LIN7A: variants seen among roughly 807,000 people sequenced by gnomAD.
LIN7A encodes lin-7 cell polarity scaffold A, also known as protein lin-7 homolog A.
LIN7A carries 25 observed loss-of-function variants against 29.8 expected under a neutral mutation model. That is an observed-to-expected ratio of 0.84 (90% CI 0.61 to 1.17). The LOEUF is 1.17. LIN7A is among the 50% of genes most tolerant of loss of function. The pLI, the probability that LIN7A is intolerant of heterozygous loss-of-function variation, is 0.00. For missense variants in LIN7A, 239 were observed against 287.0 expected, an observed-to-expected ratio of 0.83 and a Z score of 1.21; for synonymous variants, 118 against 107.5, an observed-to-expected ratio of 1.10 and a Z score of -0.60.
At chr12:80,841,142 G>T (rs1394231832) in intron 4 of LIN7A, among the ~76,000 whole-genome samples, 2 of 151,934 alleles carry the variant, frequency 1.3e-5, no homozygotes, top group South Asian at 2.1e-4. Flanking sequence ...CATATACAAG[G>T]TTGCTCTTCT....
intron 5 of LIN7A, among the ~76,000 whole-genome samples, chr12:80,810,188 C>G (rs990399825): frequency 3.3e-5 from 5 of 152,142 alleles, no homozygotes; most frequent in African/African-American, 7.2e-5. Context: ...CCTCCTCCCC[C>G]AGCCTCCCAG....
intron 4 of LIN7A, among the ~76,000 whole-genome samples, chr12:80,840,993 C>A (rs1250654811): frequency 6.6e-6 from 1 of 152,182 alleles, no homozygotes; most frequent in Non-Finnish European, 1.5e-5. Context: ...AAGATGACTA[C>A]CCCATGACTT....
At chr12:80,812,300 G>A (rs1871327903) in intron 4 of LIN7A, among the ~76,000 whole-genome samples, 1 of 151,740 alleles carries the variant, frequency 6.6e-6, no homozygotes, top group Non-Finnish European at 1.5e-5. Flanking sequence ...AAATTTAAAT[G>A]TAACATAAAA....
chr12:80,898,999 C>G (rs780005977), intron 1 of LIN7A, among the ~76,000 whole-genome samples: 1 of 152,100 alleles, frequency 6.6e-6, no homozygotes, highest in Non-Finnish European at 1.5e-5. Context: ...CCTCATTGCT[C>G]GGGCTAATCC....
chr12:80,906,372 T>C (rs1219521337), intron 1 of LIN7A, among the ~76,000 whole-genome samples: 1 of 152,180 alleles, frequency 6.6e-6, no homozygotes, highest in Non-Finnish European at 1.5e-5. Flanking sequence ...TGTTTCTCAG[T>C]GTAGAGAAGT....
chr12:80,802,181 C>T (rs192248203), intron 5 of LIN7A, among the ~76,000 whole-genome samples: 1 of 152,254 alleles, frequency 6.6e-6, no homozygotes, highest in Non-Finnish European at 1.5e-5. Context: ...GTGTGAGCCA[C>T]CGCACCTGGC....
At chr12:80,894,485 A>G (rs916589058) in intron 1 of LIN7A, among the ~76,000 whole-genome samples, 1 of 152,164 alleles carries the variant, frequency 6.6e-6, no homozygotes, top group Non-Finnish European at 1.5e-5. Context: ...ACTTCTCAGA[A>G]TGGTGCACAA....
intron 4 of LIN7A, among the ~76,000 whole-genome samples, chr12:80,837,626 T>C (rs1394288458): frequency 6.6e-6 from 1 of 152,210 alleles, no homozygotes; most frequent in Non-Finnish European, 1.5e-5. Flanking sequence ...CTTCCAGGGC[T>C]GTGAGATAAT....
intron 5 of LIN7A, among the ~76,000 whole-genome samples, chr12:80,809,527 A>C (rs1318878463): frequency 6.6e-6 from 1 of 152,266 alleles, no homozygotes; most frequent in African/African-American, 2.4e-5. Context: ...TGATGTTGGC[A>C]GATGAAAACC....
At chr12:80,829,961 TA>T (rs1872267005) in intron 4 of LIN7A, among the ~76,000 whole-genome samples, 1 of 152,246 alleles carries the variant, frequency 6.6e-6, no homozygotes. Context: ...CTCTCGTGCT[TA>T]AAATAATTAC....
intron 1 of LIN7A, among the ~76,000 whole-genome samples, chr12:80,916,045 A>T (rs960714621): frequency 5.9e-5 from 9 of 152,190 alleles, no homozygotes; most frequent in African/African-American, 1.9e-4. Flanking sequence ...TTGAGGGGGA[A>T]AAAATCCTGT....
At position 80,803,429 on chromosome 12, in the gene LIN7A, T is replaced by G. The variant is rs543907932; in HGVS notation, c.*1-5703A>C. Among the ~76,000 whole-genome samples, 3 of 152,360 alleles carry G rather than the reference T, an allele frequency of 2.0e-5. No individual in the cohort carries two copies. In the East Asian group the frequency reaches 5.8e-4, roughly 29 times the overall value. Reference sequence around the variant, plus strand: ...TTTTGATACCTTTGTCAAAAATCAATTAACTGTAAATATGTGGATTTATTT... The same window carrying G: ...TTTTGATACCTTTGTCAAAAATCAAGTAACTGTAAATATGTGGATTTATTT... On this transcript the variant is annotated intron_variant, in intron 5 of 5. Coordinates refer to ENST00000552864, the MANE Select transcript of LIN7A (RefSeq NM_004664.4).
chr12:80,889,337 G>GT lies in LIN7A; in HGVS notation c.114dup (p.Leu39ThrfsTer22). 6.2e-7 allele frequency: 1 copy of GT among 1,611,732 alleles called. No homozygotes were observed. The highest frequency in any genetic ancestry group is 8.5e-7 in the Non-Finnish European group (1 of 1,178,438). On this transcript the variant is annotated frameshift_variant, in exon 2 of 6. Coordinates refer to ENST00000552864, the MANE Select transcript of LIN7A (RefSeq NM_004664.4). LOFTEE classifies it high-confidence loss of function. ...ACTGGTACTTCTCCAGATTCCTGTA[G>GT]TTTTTCCAGTAATTCAATTGCTCTT...
chr12:80,799,498 A>C (rs1257899034), intron 5 of LIN7A, among the ~76,000 whole-genome samples: 10 of 152,230 alleles, frequency 6.6e-5, no homozygotes, highest in Admixed American at 6.5e-4. Context: ...CTATGTTAAA[A>C]TAGGGAAATA....
At chr12:80,929,538 A>G (rs980684001) in intron 1 of LIN7A, among the ~76,000 whole-genome samples, 4 of 152,130 alleles carry the variant, frequency 2.6e-5, no homozygotes, top group Non-Finnish European at 5.9e-5. Context: ...GCAATCATCC[A>G]CTTTATGTAT....
At chr12:80,856,957 A>C (rs1261622822) in intron 2 of LIN7A, among the ~76,000 whole-genome samples, 1 of 152,226 alleles carries the variant, frequency 6.6e-6, no homozygotes, top group Non-Finnish European at 1.5e-5. Context: ...TAGCCTCTGC[A>C]CACCTGTTTA....
intron 1 of LIN7A, among the ~76,000 whole-genome samples, chr12:80,903,798 T>C (rs1412190967): frequency 6.6e-6 from 1 of 152,126 alleles, no homozygotes; most frequent in Non-Finnish European, 1.5e-5. Context: ...TAAGTTACAG[T>C]CCTATCAACA....
chr12:80,821,434 C>T (rs1014285105), intron 4 of LIN7A, among the ~76,000 whole-genome samples: 2 of 152,084 alleles, frequency 1.3e-5, no homozygotes, highest in African/African-American at 4.8e-5. Context: ...GTTAACAATG[C>T]TAATGATCAT....
intron 4 of LIN7A, 64 bp from the exon 5 acceptor site, chr12:80,811,747 C>T (rs926126956): frequency 6.5e-7 from 1 of 1,546,568 alleles, no homozygotes; most frequent in African/African-American, 1.4e-5. Context: ...GGAGACAAAT[C>T]TGAAATTAAT....
Sources: gnomAD v4.1 joint callset for allele counts (sites outside exome capture counted in the v4.1 genomes callset) on GRCh38, gnomAD v4.1.1 for gene constraint, MANE v1.5 for transcripts, NCBI Gene and HGNC (gene_info 2026-07-23, HGNC 2026-07-21) for gene names.